Variants in CHRM3 observed in about 807,000 individuals in gnomAD.
CHRM3 encodes cholinergic receptor muscarinic 3.
CHRM3 carries 11 observed loss-of-function variants against 41.8 expected under a neutral mutation model. That is an observed-to-expected ratio of 0.26 (90% CI 0.17 to 0.44). CHRM3 has a LOEUF of 0.44. Among genes scored for constraint, CHRM3 ranks in the 20% least tolerant of loss-of-function variants. The pLI is 1.00. For missense variants in CHRM3, 571 were observed against 745.4 expected (o/e 0.77, Z 2.72); for synonymous variants, 297 against 301.4 (o/e 0.99, Z 0.15).
chr1:239,850,802 G>A (rs1019098358), intron 6 of CHRM3, among the ~76,000 whole-genome samples: 18 of 152,084 alleles, frequency 1.2e-4, no homozygotes, highest in East Asian at 1.9e-4. Flanking sequence ...GAAGAAGGAC[G>A]TGTTTTCTTC....
intron 3 of CHRM3, among the ~76,000 whole-genome samples, chr1:239,610,146 T>G (rs1194236051): frequency 8.4e-6 from 1 of 118,888 alleles, no homozygotes; most frequent in East Asian, 2.8e-4. Flanking sequence ...TGAGTGGAGA[T>G]CACGCCACTG....
intron 4 of CHRM3, among the ~76,000 whole-genome samples, chr1:239,650,600 G>A (rs1672145823): frequency 6.6e-6 from 1 of 152,156 alleles, no homozygotes; most frequent in African/African-American, 2.4e-5. Flanking sequence ...GTAAGACAAG[G>A]AAGCCAATTA....
intron 1 of CHRM3, among the ~76,000 whole-genome samples, chr1:239,482,182 G>A (rs550013629): frequency 6.6e-6 from 1 of 152,014 alleles, no homozygotes; most frequent in African/African-American, 2.4e-5. Flanking sequence ...GGGTATGACA[G>A]TAACAGCCCA....
At chr1:239,767,615 T>A (rs1193110227) in intron 5 of CHRM3, among the ~76,000 whole-genome samples, 1 of 152,174 alleles carries the variant, frequency 6.6e-6, no homozygotes, top group Non-Finnish European at 1.5e-5. Context: ...ATATAATAAG[T>A]GAAGTATATG....
intron 4 of CHRM3, among the ~76,000 whole-genome samples, chr1:239,654,318 G>T (rs1003191096): frequency 3.3e-5 from 5 of 152,124 alleles, no homozygotes; most frequent in African/African-American, 1.2e-4. Context: ...GGAAGAATAG[G>T]TTATAAAGAT....
intron 5 of CHRM3, among the ~76,000 whole-genome samples, chr1:239,692,440 G>A (rs1659808785): frequency 6.6e-6 from 1 of 152,140 alleles, no homozygotes; most frequent in Non-Finnish European, 1.5e-5. Flanking sequence ...AGAAGGGACT[G>A]TGTGTCTCAC....
intron 5 of CHRM3, among the ~76,000 whole-genome samples, chr1:239,781,431 G>A (rs944756527): frequency 2.0e-5 from 3 of 152,160 alleles, no homozygotes; most frequent in African/African-American, 7.2e-5. Context: ...ATGGACTGTT[G>A]TGAACTGCAT....
At chr1:239,743,469 T>C (rs1281332974) in intron 5 of CHRM3, among the ~76,000 whole-genome samples, 1 of 152,172 alleles carries the variant, frequency 6.6e-6, no homozygotes, top group Non-Finnish European at 1.5e-5. Flanking sequence ...TGGGAGCTAG[T>C]TCTAATAATA....
intron 5 of CHRM3, among the ~76,000 whole-genome samples, chr1:239,740,663 C>T (rs1189327807): frequency 2.6e-5 from 4 of 152,204 alleles, no homozygotes; most frequent in Admixed American, 6.5e-5. Context: ...TGCTCCCCTC[C>T]CTGTGTCCAT....
intron 3 of CHRM3, among the ~76,000 whole-genome samples, chr1:239,575,844 G>A (rs1173022235): frequency 1.3e-5 from 2 of 151,482 alleles, no homozygotes; most frequent in East Asian, 1.9e-4. Context: ...TCACTTTTAA[G>A]TGTACAGCTA....
At chr1:239,426,444 C>T (rs532225074) in intron 1 of CHRM3, among the ~76,000 whole-genome samples, 1 of 145,614 alleles carries the variant, frequency 6.9e-6, no homozygotes, top group Non-Finnish European at 1.5e-5. Flanking sequence ...CTTTCTAGCA[C>T]GCCATTGCTT....
intron 5 of CHRM3, among the ~76,000 whole-genome samples, chr1:239,783,200 C>T (rs192630349): frequency 3.0e-4 from 46 of 151,834 alleles, no homozygotes; most frequent in Non-Finnish European, 5.9e-4. Context: ...TCAAAGTCTC[C>T]AGCTATAATA....
intron 3 of CHRM3, among the ~76,000 whole-genome samples, chr1:239,604,517 C>A (rs1245203243): frequency 6.6e-6 from 1 of 152,196 alleles, no homozygotes; most frequent in Non-Finnish European, 1.5e-5. Context: ...AATATACTTA[C>A]TTCTCTGAGA....
chr1:239,473,196 G>A (rs1666241793), intron 1 of CHRM3, among the ~76,000 whole-genome samples: 2 of 142,488 alleles, frequency 1.4e-5, no homozygotes, highest in South Asian at 4.5e-4. Context: ...TGAACTCAGG[G>A]AAAGGAAGAA....
rs139403641 is a variant in CHRM3 at position 239,885,796 on chromosome 1, T to C, written c.-19-21637T>C. 7.9e-4 allele frequency among the ~76,000 whole-genome samples: 121 copies of C among 152,224 alleles called. 1 individual carries two copies. Among genetic ancestry groups the C allele is most frequent in the African/African-American group, 2.4e-3 (99 of 41,552 alleles). ...GAACCTTCAAGTCTCCACTAGGTCA[T>C]TCTAATAAGCGGAAGGTGACACTAA... is the stretch of plus-strand genomic sequence containing the variant. On this transcript the variant is annotated intron_variant, in intron 6 of 6. Transcript: ENST00000676153.
chr1:239,846,171 G>T lies in CHRM3; in HGVS notation c.-20+18793G>T, dbSNP rs1674245736. On this transcript the variant is annotated intron_variant, in intron 6 of 6. Transcript: ENST00000676153. ...TGTGGATACCATAAATTTGTGCTTTGTTTCCGTGTGAATTTTCTTTCCGAC... is the reference window on the plus strand; with the variant it reads ...TGTGGATACCATAAATTTGTGCTTTTTTTCCGTGTGAATTTTCTTTCCGAC... Among the ~76,000 whole-genome samples the T allele has an allele frequency of 2.0e-5, 3 of 150,810 alleles. No individual in the cohort carries two copies. The South Asian group carries it at 6.3e-4, about 32-fold the overall frequency.
chr1:239,702,968 T>A (rs2148117088), intron 5 of CHRM3, among the ~76,000 whole-genome samples: 1 of 152,264 alleles, frequency 6.6e-6, no homozygotes, highest in Non-Finnish European at 1.5e-5. Flanking sequence ...GCTTCACAAA[T>A]CCCACAGACT....
At chr1:239,718,338 T>A (rs1662598983) in intron 5 of CHRM3, among the ~76,000 whole-genome samples, 1 of 152,056 alleles carries the variant, frequency 6.6e-6, no homozygotes. Flanking sequence ...AGGTTTACAC[T>A]AGCGCTATAC....
chr1:239,469,462 A>G (rs75650419), intron 1 of CHRM3, among the ~76,000 whole-genome samples: 1,785 of 152,342 alleles, frequency 0.012, 21 homozygotes, highest in Non-Finnish European at 0.018. Flanking sequence ...TATTTTTACA[A>G]TCATTACTAC....
Sources: allele counts gnomAD v4.1 joint callset (sites outside exome capture counted in the v4.1 genomes callset), GRCh38; gene constraint gnomAD v4.1.1; transcripts MANE v1.5; gene names NCBI Gene and HGNC (gene_info 2026-07-23, HGNC 2026-07-21).